Variants in BPNT2 observed in about 807,000 individuals in gnomAD.
BPNT2 encodes Golgi-resident adenosine 3',5'-bisphosphate 3'-phosphatase.
A neutral mutation model predicts 29.3 loss-of-function variants in BPNT2; 11 were observed. The ratio of observed to expected loss-of-function variants is 0.38; its 90% CI spans 0.24 to 0.62. The LOEUF (loss-of-function observed/expected upper bound fraction) is 0.62. BPNT2 is among the 20% of genes least tolerant of loss of function. BPNT2 has a pLI of 0.62. For missense variants in BPNT2, 459 were observed against 473.4 expected, an observed-to-expected ratio of 0.97 and a Z score of 0.28; for synonymous variants, 195 against 187.7, an observed-to-expected ratio of 1.04 and a Z score of -0.32.
Position 56,993,215 on chromosome 8 carries a change from G to C in BPNT2, c.371C>G (p.Ala124Gly). ...GGCTCCCACCTGGACGCTGGGGAAG[G>C]CGGTCTTGAGCAGGTAGAACATCTT... is the stretch of plus-strand genomic sequence containing the variant. ...NRKMFYLLKT[A>G]FPSVQINTEE... Residue 124 changes from alanine to glycine, a missense_variant, in exon 1 of 5, where the codon GCC becomes GGC. By Grantham distance (60) the Ala-to-Gly change is moderately conservative. Coordinates refer to ENST00000262644, the MANE Select transcript of BPNT2 (RefSeq NM_017813.5). The C allele has an allele frequency of 6.2e-7, 1 of 1,602,018 alleles. No individual in the cohort carries two copies. The highest frequency in any genetic ancestry group is 8.5e-7 in the Non-Finnish European group (1 of 1,179,406).
chr8:56,991,345 C>A (rs1806413080), intron 1 of BPNT2, among the ~76,000 whole-genome samples: 1 of 152,246 alleles, frequency 6.6e-6, no homozygotes, highest in African/African-American at 2.4e-5. Context: ...ATCTGCAATT[C>A]CAAAAGCTTA....
intron 1 of BPNT2, among the ~76,000 whole-genome samples, chr8:56,986,261 AC>A (rs1341197613): frequency 2.0e-5 from 3 of 152,126 alleles, no homozygotes; most frequent in Admixed American, 1.3e-4. Flanking sequence ...ACAAACCAAA[AC>A]AAAAAAAACA....
chr8:56,990,490 C>T lies in BPNT2; in HGVS notation c.387+2709G>A, dbSNP rs112915146. On this transcript the variant is annotated intron_variant, in intron 1 of 4. Coordinates refer to ENST00000262644, the MANE Select transcript of BPNT2 (RefSeq NM_017813.5). ...GGAGACTAGCTGCCCAGAGGACTCT[C>T]TGGGATCTCTAACCTGAAGAAAACT... is the stretch of plus-strand genomic sequence containing the variant. Among the ~76,000 whole-genome samples the T allele has an allele frequency of 7.1e-4, 108 of 152,272 alleles. 1 individual carries two copies. Among genetic ancestry groups the T allele is most frequent in the African/African-American group, 2.4e-3 (101 of 41,544 alleles).
chr8:56,963,869 A>G lies in BPNT2; in HGVS notation c.1004T>C (p.Leu335Pro). The G allele has an allele frequency of 6.2e-7, 1 of 1,614,134 alleles. No homozygotes were observed. Among genetic ancestry groups the G allele is most frequent in the Non-Finnish European group, 8.5e-7 (1 of 1,180,024 alleles). ...GTGGTTCATTCTGATGCTAGCAAGG[A>G]GTCCCCCTTCAATGCCGTCTGAACC... ...YTGSDGIEGGLLASIRMNHQA... is the reference protein window; with the variant it reads ...YTGSDGIEGGPLASIRMNHQA... Residue 335 changes from leucine (L) to proline (P), a missense_variant, in exon 5 of 5, where the codon CTC becomes CCC. Transcript: ENST00000262644.
rs563935536 is a variant in BPNT2, at chr8:56,962,041, A to G, written c.*1752T>C. ...CCTTTGCCATCTCTCCTGAAAAAGAAAGTTTCTTCAGCTTATTGCAAAGGA... is the reference window on the plus strand; with the variant it reads ...CCTTTGCCATCTCTCCTGAAAAAGAGAGTTTCTTCAGCTTATTGCAAAGGA... On this transcript the variant is annotated 3_prime_UTR_variant, in exon 5 of 5. Transcript: ENST00000262644. 6.6e-6 allele frequency: 1 copy of G among 152,268 alleles called. No individual in the cohort carries two copies. Among genetic ancestry groups the G allele is most frequent in the East Asian group, 1.9e-4 (1 of 5,178 alleles). The allele number at this position is 152,268 out of a possible 1,614,324, so 9.4% of individuals were successfully genotyped here.
chr8:56,982,669 T>C (rs989265811), intron 1 of BPNT2, among the ~76,000 whole-genome samples: 2 of 151,464 alleles, frequency 1.3e-5, no homozygotes, highest in African/African-American at 2.4e-5. Context: ...GAGGAAAAAA[T>C]AAAGACCAAA....
intron 3 of BPNT2, among the ~76,000 whole-genome samples, chr8:56,967,485 T>C (rs766549513): frequency 6.6e-6 from 1 of 152,150 alleles, no homozygotes; most frequent in Non-Finnish European, 1.5e-5. Context: ...GTGGGGATTA[T>C]AGCAAGAGCT....
In BPNT2 at chr8:56,974,807, G is replaced by A. The variant is rs975594537; in HGVS notation, c.646+3243C>T. 2.0e-5 allele frequency among the ~76,000 whole-genome samples: 3 copies of A among 152,154 alleles called. No homozygotes were observed. In the East Asian group the frequency reaches 5.8e-4, roughly 29 times the overall value. On this transcript the variant is annotated intron_variant, in intron 3 of 4. Coordinates refer to ENST00000262644, the MANE Select transcript of BPNT2 (RefSeq NM_017813.5). ...CATTTGGCTTCTTTAAGGTGGGTAAGCCTACAGATGAGAGAGGAATATATA... is the reference window on the plus strand; with the variant it reads ...CATTTGGCTTCTTTAAGGTGGGTAAACCTACAGATGAGAGAGGAATATATA...
At chr8:56,981,210 T>G (rs527910301) in intron 1 of BPNT2, among the ~76,000 whole-genome samples, 1 of 152,284 alleles carries the variant, frequency 6.6e-6, no homozygotes, top group African/African-American at 2.4e-5. Flanking sequence ...AAAAACACTG[T>G]TTTCAACAGT....
At chr8:56,982,262 A>G (rs932942607) in intron 1 of BPNT2, among the ~76,000 whole-genome samples, 1 of 151,730 alleles carries the variant, frequency 6.6e-6, no homozygotes, top group Non-Finnish European at 1.5e-5. Context: ...AGCTGGCACT[A>G]CAGGCACCCA....
In BPNT2 at chr8:56,993,572, C is replaced by T; in HGVS notation, c.14G>A (p.Gly5Asp). 6.8e-7 allele frequency: 1 copy of T among 1,460,988 alleles called. No homozygotes were observed. The highest frequency in any genetic ancestry group is 9.1e-7 in the Non-Finnish European group (1 of 1,104,228). The allele number at this position is 1,460,988 out of a possible 1,614,324, so 90.5% of individuals were successfully genotyped here. A position where few individuals can be genotyped will look rare whatever the true frequency, so the allele number is the denominator to read the frequency against. ...CACCCCCAGTGGGGAAAGGCGGATG[C>T]CCATGGGGGCCATGGCGTGGGAAGC... Reference protein sequence around the residue: MAPMGIRLSPLGVAV... With the variant: MAPMDIRLSPLGVAV... The change falls in exon 1 of 5, where the codon GGC (glycine) becomes GAC (aspartate). Residue 5 changes from glycine (G) to aspartate (D), a missense_variant. Coordinates refer to ENST00000262644, the MANE Select transcript of BPNT2 (RefSeq NM_017813.5).
intron 4 of BPNT2, among the ~76,000 whole-genome samples, chr8:56,965,328 AAAAAC>A (rs1008593986): frequency 5.3e-5 from 8 of 152,234 alleles, no homozygotes; most frequent in Admixed American, 2.0e-4. Flanking sequence ...CAAAAAAAGA[AAAAAC>A]AAAACAAAAC....
intron 3 of BPNT2, chr8:56,967,027 A>T: frequency 2.6e-6 from 1 of 390,506 alleles, no homozygotes; most frequent in South Asian, 1.9e-5. Context: ...AGGGAAGGGG[A>T]TGTCAGAGAT....
At chr8:56,989,890 C>T (rs750741747) in intron 1 of BPNT2, among the ~76,000 whole-genome samples, 4 of 152,214 alleles carry the variant, frequency 2.6e-5, no homozygotes, top group Non-Finnish European at 5.9e-5. Context: ...GTCCTACTAT[C>T]TCTCTTGGGC....
chr8:56,985,453 C>T lies in BPNT2; in HGVS notation c.388-5256G>A, dbSNP rs1563411152. On this transcript the variant is annotated intron_variant, in intron 1 of 4. Coordinates refer to ENST00000262644, the MANE Select transcript of BPNT2 (RefSeq NM_017813.5). ...AACCCATACCTACTAACAGCCCTGG[C>T]CAATCCCTGCCCCCTCCCGACACCC... 2.6e-5 allele frequency among the ~76,000 whole-genome samples: 4 copies of T among 152,232 alleles called. No homozygotes were observed. The East Asian group carries it at 5.8e-4, about 22-fold the overall frequency.
intron 1 of BPNT2, among the ~76,000 whole-genome samples, chr8:56,992,701 G>A (rs1311799370): frequency 3.1e-5 from 1 of 32,632 alleles, no homozygotes; most frequent in Admixed American, 4.0e-4. Flanking sequence ...CCCCCACCCC[G>A]ACTCCCGCGA....
chr8:56,978,954 T>C (rs1331754280), intron 2 of BPNT2, among the ~76,000 whole-genome samples: 1 of 152,164 alleles, frequency 6.6e-6, no homozygotes, highest in African/African-American at 2.4e-5. Flanking sequence ...GGCTTAATAC[T>C]TGGGTGTTGA....
Position 56,993,488 on chromosome 8 carries a change from G to T in BPNT2, c.98C>A (p.Ala33Asp), listed in dbSNP as rs761908415. The change falls in exon 1 of 5, where the codon GCC becomes GAC. Residue 33 changes from alanine to aspartate, a missense_variant. Ala to Asp is a moderately radical substitution (Grantham distance 126). Transcript: ENST00000262644. Reference sequence around the variant, plus strand: ...CAGGCCGAAGAGGCTGAAGCGGCCGGCCAAGAAGCCCGAGTAGAGGTGGTA... The same window carrying T: ...CAGGCCGAAGAGGCTGAAGCGGCCGTCCAAGAAGCCCGAGTAGAGGTGGTA... ...VLYHLYSGFL[A>D]GRFSLFGLGG... 2.2e-5 allele frequency: 33 copies of T among 1,499,548 alleles called. No individual in the cohort carries two copies. The South Asian group carries it at 4.2e-4, about 19-fold the overall frequency. The allele number at this position is 1,499,548 out of a possible 1,614,324, so 92.9% of individuals were successfully genotyped here.
intron 1 of BPNT2, among the ~76,000 whole-genome samples, chr8:56,984,868 G>C (rs990012347): frequency 6.6e-6 from 1 of 151,944 alleles, no homozygotes; most frequent in African/African-American, 2.4e-5. Flanking sequence ...GTGCTATCCC[G>C]TAATCTCTCT....
Sources: allele counts gnomAD v4.1 joint callset (sites outside exome capture counted in the v4.1 genomes callset), GRCh38; gene constraint gnomAD v4.1.1; transcripts MANE v1.5; gene names NCBI Gene and HGNC (gene_info 2026-07-23, HGNC 2026-07-21).